The following ATG10 variants were observed in gnomAD, a reference collection of about 807,000 sequenced individuals.
ATG10 encodes ubiquitin-like-conjugating enzyme ATG10.
Under a neutral mutation model 32.1 loss-of-function variants are expected in ATG10, and 30 were observed. The ratio of observed to expected loss-of-function variants is 0.94; its 90% CI spans 0.70 to 1.27. ATG10 has a LOEUF of 1.27. Among genes scored for constraint, ATG10 ranks in the 50% most tolerant of loss-of-function variants. ATG10 has a pLI of 0.00. For missense variants in ATG10, 233 were observed against 262.3 expected (o/e 0.89, Z 0.77); for synonymous variants, 87 against 91.5 (o/e 0.95, Z 0.28).
At chr5:82,158,681 A>G (rs1205321460) in intron 3 of ATG10, among the ~76,000 whole-genome samples, 1 of 152,078 alleles carries the variant, frequency 6.6e-6, no homozygotes, top group African/African-American at 2.4e-5. Flanking sequence ...GTGTATACCT[A>G]GGGCTCACTG....
chr5:82,106,355 GC>G (rs1765443757), intron 3 of ATG10, among the ~76,000 whole-genome samples: 3 of 152,098 alleles, frequency 2.0e-5, no homozygotes, highest in Admixed American at 2.0e-4. Context: ...CGGGATCATA[GC>G]AGCTTGCTCA....
chr5:82,253,989 G>A (rs1747365507), intron 7 of ATG10, 79 bp from the exon 8 acceptor site: 1 of 152,498 alleles, frequency 6.6e-6, no homozygotes. Flanking sequence ...TTTTATTTTA[G>A]TACTGATATT....
At chr5:82,123,202 T>C (rs2149830334) in intron 3 of ATG10, among the ~76,000 whole-genome samples, 1 of 152,320 alleles carries the variant, frequency 6.6e-6, no homozygotes, top group Middle Eastern at 3.4e-3. Context: ...CGGTCATGTA[T>C]TCTGTGGGAA....
intron 3 of ATG10, among the ~76,000 whole-genome samples, chr5:82,109,218 G>A (rs1765537113): frequency 6.6e-6 from 1 of 152,076 alleles, no homozygotes; most frequent in Non-Finnish European, 1.5e-5. Context: ...CATTCTTGCT[G>A]TGTGCAAGGC....
At chr5:82,043,436 T>C (rs1278729928) in intron 2 of ATG10, among the ~76,000 whole-genome samples, 1 of 152,216 alleles carries the variant, frequency 6.6e-6, no homozygotes, top group Non-Finnish European at 1.5e-5. Context: ...GAGACATTTT[T>C]CCCCATTGTC....
intron 3 of ATG10, among the ~76,000 whole-genome samples, chr5:82,138,520 C>A (rs948724429): frequency 6.6e-6 from 1 of 152,046 alleles, no homozygotes; most frequent in African/African-American, 2.4e-5. Context: ...TCAGGTGATG[C>A]CTTACCCTGC....
At chr5:82,152,040 CAAAG>C (rs1767620100) in intron 3 of ATG10, among the ~76,000 whole-genome samples, 1 of 152,124 alleles carries the variant, frequency 6.6e-6, no homozygotes, top group East Asian at 1.9e-4. Flanking sequence ...TTAAAACACA[CAAAG>C]AAGAACAAAA....
rs562579897 is a variant in ATG10, at chr5:82,196,080, A to G, written c.453+17493A>G. Among the ~76,000 whole-genome samples the G allele has an allele frequency of 2.0e-5, 3 of 152,294 alleles. No homozygotes were observed. The South Asian group carries it at 6.2e-4, about 32-fold the overall frequency. On this transcript the variant is annotated intron_variant, in intron 5 of 7. Coordinates refer to ENST00000282185, the MANE Select transcript of ATG10 (RefSeq NM_031482.5). The stretch of plus-strand genomic sequence containing the variant: ...ATTATCTTTCTTTTAAATTACAGCT[A>G]TTCCACTGGGTGTGAAGTATCCAAT...
chr5:81,986,760 C>G (rs1268913414), intron 1 of ATG10, among the ~76,000 whole-genome samples: 1 of 152,034 alleles, frequency 6.6e-6, no homozygotes, highest in African/African-American at 2.4e-5. Flanking sequence ...AAAACAAAAA[C>G]AAGCTGGGCA....
intron 5 of ATG10, among the ~76,000 whole-genome samples, chr5:82,193,912 G>A (rs564617656): frequency 5.3e-5 from 8 of 152,286 alleles, no homozygotes; most frequent in African/African-American, 1.9e-4. Context: ...CTTGGACTTT[G>A]CTTTAGGAGA....
At chr5:82,036,451 G>A (rs1481838079) in intron 2 of ATG10, among the ~76,000 whole-genome samples, 1 of 151,942 alleles carries the variant, frequency 6.6e-6, no homozygotes, top group African/African-American at 2.4e-5. Flanking sequence ...AAAATTAGCC[G>A]GGCATAGTGG....
At chr5:82,046,981 G>GTT (rs74617859) in intron 2 of ATG10, among the ~76,000 whole-genome samples, 3 of 137,932 alleles carry the variant, frequency 2.2e-5, no homozygotes, top group Non-Finnish European at 3.2e-5. Flanking sequence ...GGTCATCTGT[G>GTT]TTTTTTTTTT....
intron 5 of ATG10, among the ~76,000 whole-genome samples, chr5:82,250,269 A>C (rs1747201474): frequency 6.6e-6 from 1 of 151,994 alleles, no homozygotes; most frequent in African/African-American, 2.4e-5. Context: ...AAATCTCTGC[A>C]TGGTTGTTTT....
At chr5:82,139,710 T>TGG (rs1377445803) in intron 3 of ATG10, among the ~76,000 whole-genome samples, 23 of 116,952 alleles carry the variant, frequency 2.0e-4, no homozygotes, top group African/African-American at 8.2e-4. Flanking sequence ...GGGAGGGAGG[T>TGG]GGGGGGGGGT....
chr5:82,226,202 C>G (rs1746124074), intron 5 of ATG10, among the ~76,000 whole-genome samples: 1 of 152,116 alleles, frequency 6.6e-6, no homozygotes, highest in Non-Finnish European at 1.5e-5. Flanking sequence ...AACATCAAAC[C>G]TTTTAATTAC....
intron 3 of ATG10, among the ~76,000 whole-genome samples, chr5:82,085,170 G>A (rs1764633503): frequency 6.6e-6 from 1 of 151,968 alleles, no homozygotes; most frequent in African/African-American, 2.4e-5. Flanking sequence ...AAAAAAAGCA[G>A]GGGTTGCAAT....
chr5:82,005,983 T>C (rs942084541), intron 2 of ATG10, among the ~76,000 whole-genome samples: 21 of 150,650 alleles, frequency 1.4e-4, no homozygotes, highest in Non-Finnish European at 3.0e-4. Context: ...CCAGAAATAT[T>C]TTATCTCCAT....
intron 2 of ATG10, among the ~76,000 whole-genome samples, chr5:82,026,232 T>C (rs1170758933): frequency 6.6e-6 from 1 of 152,206 alleles, no homozygotes; most frequent in Non-Finnish European, 1.5e-5. Flanking sequence ...AATGGATTCA[T>C]ATATTTGTCC....
chr5:82,109,034 T>G (rs1765529563), intron 3 of ATG10, among the ~76,000 whole-genome samples: 1 of 152,060 alleles, frequency 6.6e-6, no homozygotes, highest in South Asian at 2.1e-4. Flanking sequence ...CGATGATATA[T>G]TTCAGAGAAA....
Sources: allele counts gnomAD v4.1 joint callset (sites outside exome capture counted in the v4.1 genomes callset), GRCh38; gene constraint gnomAD v4.1.1; transcripts MANE v1.5; gene names NCBI Gene and HGNC (gene_info 2026-07-23, HGNC 2026-07-21).